ROCK2: variants seen among roughly 807,000 people sequenced by gnomAD.
ROCK2 encodes Rho associated coiled-coil containing protein kinase 2.
A neutral mutation model predicts 195.1 loss-of-function variants in ROCK2; 61 were observed. The observed-to-expected ratio is 0.31, with a 90% confidence interval of 0.25 to 0.39. The LOEUF is 0.39. Ranked by LOEUF, ROCK2 falls within the 10% of genes least tolerant of loss-of-function variation. The probability of loss-of-function intolerance (pLI) is 1.00; values close to 1 mark genes in which losing one functional copy is unlikely to be tolerated. For missense variants in ROCK2, 1,109 were observed against 1,637.4 expected (o/e 0.68, Z 5.57); for synonymous variants, 504 against 545.5 (o/e 0.92, Z 1.06).
At chr2:11,326,186 T>TA (rs1668544206) in intron 1 of ROCK2, among the ~76,000 whole-genome samples, 2 of 150,924 alleles carry the variant, frequency 1.3e-5, no homozygotes, top group Admixed American at 6.6e-5. Context: ...ATACAAATGA[T>TA]AAAGTCCTGG....
intron 30 of ROCK2, 91 bp downstream of exon 30, chr2:11,193,688 A>G (rs1175756626): frequency 1.6e-6 from 1 of 644,224 alleles, no homozygotes; most frequent in African/African-American, 1.9e-5. Context: ...AAGAATGAAG[A>G]GATTTAACAT....
intron 6 of ROCK2, 123 bp downstream of exon 6, chr2:11,227,129 AGT>A (rs1664841419): frequency 3.4e-6 from 3 of 886,184 alleles, no homozygotes; most frequent in Non-Finnish European, 5.1e-6. Flanking sequence ...ACTAATTCAA[AGT>A]TTCCAGAAAT....
chr2:11,226,250 C>G (rs1218557441), intron 6 of ROCK2, among the ~76,000 whole-genome samples: 3 of 152,096 alleles, frequency 2.0e-5, no homozygotes, highest in African/African-American at 7.2e-5. Context: ...GACCCCAGTA[C>G]TTACAAATGG....
chr2:11,205,833 G>A (rs888351331), intron 20 of ROCK2, among the ~76,000 whole-genome samples: 1 of 152,116 alleles, frequency 6.6e-6, no homozygotes, highest in African/African-American at 2.4e-5. Flanking sequence ...TGGGGGCCGG[G>A]CACAGTGGCT....
intron 18 of ROCK2, among the ~76,000 whole-genome samples, chr2:11,209,452 T>A (rs533711127): frequency 6.6e-6 from 1 of 152,344 alleles, no homozygotes; most frequent in African/African-American, 2.4e-5. Context: ...AAGGAAACGC[T>A]CACAATGTCT....
At chr2:11,295,905 CGAG>C (rs1271086768) in intron 1 of ROCK2, among the ~76,000 whole-genome samples, 5 of 149,740 alleles carry the variant, frequency 3.3e-5, no homozygotes, top group African/African-American at 1.2e-4. Flanking sequence ...TGCAGTGAGC[CGAG>C]ATCGCGCCAC....
chr2:11,195,651 A>AT (rs1663606495), intron 27 of ROCK2, among the ~76,000 whole-genome samples: 1 of 152,058 alleles, frequency 6.6e-6, no homozygotes, highest in Non-Finnish European at 1.5e-5. Context: ...GGTAGCTGGG[A>AT]TTACAGGCAC....
chr2:11,286,449 C>A, intron 3 of ROCK2, 90 bp downstream of exon 3: 1 of 775,032 alleles, frequency 1.3e-6, no homozygotes, highest in South Asian at 1.7e-5. Context: ...CATGGGTGGG[C>A]ATAGAAATTA....
At chr2:11,325,972 T>C (rs1451918533) in intron 1 of ROCK2, among the ~76,000 whole-genome samples, 1 of 152,112 alleles carries the variant, frequency 6.6e-6, no homozygotes, top group African/African-American at 2.4e-5. Context: ...CGAAGCTAAA[T>C]GGATAGTGGA....
intron 32 of ROCK2, 151 bp from the exon 33 acceptor site, chr2:11,183,591 T>C (rs1663084756): frequency 3.4e-6 from 2 of 584,034 alleles, no homozygotes; most frequent in African/African-American, 1.9e-5. Context: ...TAAACATACT[T>C]ACTGTATTAC....
rs532974699 is a variant in ROCK2, at chr2:11,331,655, G to A, written c.141+12341C>T. The stretch of plus-strand genomic sequence containing the variant: ...AGAAATAACCCAATTAGCCAGGCGC[G>A]GTGGCTCACGCCTGTAATCCCAGCA... On this transcript the variant is annotated intron_variant, in intron 1 of 32. Coordinates refer to ENST00000315872, the MANE Select transcript of ROCK2 (RefSeq NM_004850.5). 3.9e-5 allele frequency among the ~76,000 whole-genome samples: 6 copies of A among 152,156 alleles called. No homozygotes were observed. In the East Asian group the frequency reaches 5.8e-4, roughly 15 times the overall value.
chr2:11,246,042 C>G (rs1247625283), intron 4 of ROCK2, among the ~76,000 whole-genome samples: 1 of 152,152 alleles, frequency 6.6e-6, no homozygotes, highest in African/African-American at 2.4e-5. Flanking sequence ...AATGATTGAA[C>G]TGAAGTATCA....
chr2:11,321,948 C>A (rs1256881362), intron 1 of ROCK2, among the ~76,000 whole-genome samples: 1 of 152,060 alleles, frequency 6.6e-6, no homozygotes, highest in Non-Finnish European at 1.5e-5. Context: ...AAAGAGATGA[C>A]TAAATTAAAA....
intron 8 of ROCK2, among the ~76,000 whole-genome samples, chr2:11,221,588 T>C (rs760644764): frequency 2.0e-5 from 3 of 152,172 alleles, no homozygotes; most frequent in Non-Finnish European, 4.4e-5. Flanking sequence ...TTGTTAAAAA[T>C]TACAAGCAGC....
intron 3 of ROCK2, among the ~76,000 whole-genome samples, chr2:11,269,977 C>T (rs1021180156): frequency 1.3e-5 from 2 of 152,174 alleles, no homozygotes; most frequent in Admixed American, 6.5e-5. Flanking sequence ...CGGTCTCAAA[C>T]TCCTGGCCTC....
chr2:11,248,917 G>T (rs1453738422), intron 4 of ROCK2, among the ~76,000 whole-genome samples: 1 of 151,154 alleles, frequency 6.6e-6, no homozygotes, highest in Non-Finnish European at 1.5e-5. Context: ...TTTTGTTTTA[G>T]ACGGAGTCTT....
intron 3 of ROCK2, among the ~76,000 whole-genome samples, chr2:11,275,518 CA>C (rs1359043882): frequency 6.6e-6 from 1 of 151,982 alleles, no homozygotes; most frequent in Non-Finnish European, 1.5e-5. Context: ...AAACTGAAAT[CA>C]GCAGTATATT....
At chr2:11,329,135 C>T (rs1250669696) in intron 1 of ROCK2, among the ~76,000 whole-genome samples, 1 of 151,780 alleles carries the variant, frequency 6.6e-6, no homozygotes, top group Non-Finnish European at 1.5e-5. Flanking sequence ...AAATTCAAGT[C>T]ATTTTCCTTC....
At chr2:11,248,204 G>C (rs1298927802) in intron 4 of ROCK2, among the ~76,000 whole-genome samples, 1 of 146,870 alleles carries the variant, frequency 6.8e-6, no homozygotes, top group Non-Finnish European at 1.5e-5. Flanking sequence ...GGTCAAAAGT[G>C]GGTTTTTTTT....
Sources: gnomAD v4.1 joint callset for allele counts (sites outside exome capture counted in the v4.1 genomes callset) on GRCh38, gnomAD v4.1.1 for gene constraint, MANE v1.5 for transcripts, NCBI Gene and HGNC (gene_info 2026-07-23, HGNC 2026-07-21) for gene names.